The following TTC39B variants were observed in gnomAD, a reference collection of about 807,000 sequenced individuals.
TTC39B encodes the protein tetratricopeptide repeat protein 39B.
In TTC39B, 92 loss-of-function variants were observed where a neutral mutation model predicts 96.6. That is an observed-to-expected ratio of 0.95 (90% CI 0.80 to 1.13). The LOEUF (loss-of-function observed/expected upper bound fraction) is 1.13. Ranked by LOEUF, TTC39B falls within the 50% of genes most tolerant of loss-of-function variation. The pLI, the probability that TTC39B is intolerant of heterozygous loss-of-function variation, is 0.00. For synonymous variants in TTC39B, 367 were observed against 299.4 expected (o/e 1.23, Z -2.33); for missense variants, 955 against 809.3 (o/e 1.18, Z -2.18).
At chr9:15,223,373 C>T (rs1356353830) in intron 3 of TTC39B, among the ~76,000 whole-genome samples, 1 of 152,236 alleles carries the variant, frequency 6.6e-6, no homozygotes, top group Non-Finnish European at 1.5e-5. Flanking sequence ...AGATGTAATT[C>T]CACCACTGCC....
chr9:15,197,914 T>A (rs1001153746), intron 8 of TTC39B, among the ~76,000 whole-genome samples: 14 of 151,974 alleles, frequency 9.2e-5, no homozygotes, highest in African/African-American at 3.4e-4. Flanking sequence ...AAAGAAAAAG[T>A]AAAAAGTAAA....
chr9:15,223,334 C>T (rs1182500629), intron 3 of TTC39B, among the ~76,000 whole-genome samples: 1 of 152,146 alleles, frequency 6.6e-6, no homozygotes, highest in Non-Finnish European at 1.5e-5. Context: ...AAAGGTGCAC[C>T]AGCCCAGAAA....
chr9:15,245,528 C>G (rs924398904), intron 2 of TTC39B, among the ~76,000 whole-genome samples: 1 of 152,038 alleles, frequency 6.6e-6, no homozygotes, highest in African/African-American at 2.4e-5. Context: ...AACACCTAAG[C>G]TAATATTAAG....
intron 2 of TTC39B, among the ~76,000 whole-genome samples, chr9:15,242,731 C>T (rs1294867880): frequency 6.6e-6 from 1 of 152,070 alleles, no homozygotes; most frequent in Non-Finnish European, 1.5e-5. Flanking sequence ...TCAGAAAATA[C>T]CTAATAATGT....
Position 15,187,158 on chromosome 9 carries a change from G to A in TTC39B, c.1396-123C>T, listed in dbSNP as rs566479. 3,125 of 652,260 alleles carry A rather than the reference G, an allele frequency of 4.8e-3. 79 individuals carry two copies. The African/African-American group carries it at 0.05, about 10-fold the overall frequency. 40.4% of individuals were successfully genotyped at this position (652,260 alleles called of 1,614,324 possible). On this transcript the variant is annotated intron_variant, in intron 14 of 19. Coordinates refer to ENST00000512701, the Ensembl canonical transcript of TTC39B. ...ATTAGAGGCATTAAAGAAATCAGAGGAAATGAAATCTTATATTCCCTGTTC... is the reference window on the plus strand; with the variant it reads ...ATTAGAGGCATTAAAGAAATCAGAGAAAATGAAATCTTATATTCCCTGTTC...
At chr9:15,261,669 C>A (rs1457822073) in intron 2 of TTC39B, among the ~76,000 whole-genome samples, 2 of 152,064 alleles carry the variant, frequency 1.3e-5, no homozygotes, top group Admixed American at 1.3e-4. Context: ...CACCTCTGAC[C>A]CTCTGCACTG....
At chr9:15,236,416 G>A (rs369364962) in intron 2 of TTC39B, among the ~76,000 whole-genome samples, 31 of 152,246 alleles carry the variant, frequency 2.0e-4, no homozygotes, top group African/African-American at 6.0e-4. Context: ...ACAGATCATC[G>A]AGGCAGAAAA....
exon 20 of TTC39B, chr9:15,166,985 TATATATATATATATATATA>T (rs1817531316): frequency 2.5e-3 from 12 of 4,806 alleles, no homozygotes; most frequent in African/African-American, 6.6e-3. Flanking sequence ...CTTTATTTTA[TATATATATATATATATATA>T]TATATATATA....
chr9:15,201,391 C>T (rs1009362117), intron 7 of TTC39B, among the ~76,000 whole-genome samples: 7 of 152,082 alleles, frequency 4.6e-5, no homozygotes, highest in South Asian at 2.1e-4. Flanking sequence ...GCGTCAAGCA[C>T]GGGGAGGGAG....
rs546870324 is a variant in TTC39B at position 15,264,654 on chromosome 9, TA to T, written c.275+3259del. On this transcript the variant is annotated intron_variant, in intron 2 of 19. Coordinates refer to ENST00000512701, the Ensembl canonical transcript of TTC39B. ...TGGGCGACAGAGCGAGACTCTGTCT[TA>T]AAAAAAAAAAAAAAAAAGGGAAACT... Among the ~76,000 whole-genome samples, 558 of 118,044 alleles carry T rather than the reference TA, an allele frequency of 4.7e-3. 1 individual carries two copies. Among genetic ancestry groups the T allele is most frequent in the Middle Eastern group, 0.013 (3 of 226 alleles). 77.4% of individuals were successfully genotyped at this position (118,044 alleles called of 152,430 possible). A position where few individuals can be genotyped will look rare whatever the true frequency, so the allele number is the denominator to read the frequency against.
chr9:15,178,095 T>C (rs1437093909), intron 17 of TTC39B, among the ~76,000 whole-genome samples: 2 of 151,986 alleles, frequency 1.3e-5, no homozygotes, highest in East Asian at 3.9e-4. Context: ...GGTCTCGATC[T>C]CCTGACCTCA....
At chr9:15,175,043 G>T in exon 19 of TTC39B, 1 of 1,613,484 alleles carries the variant, frequency 6.2e-7, no homozygotes, top group Non-Finnish European at 8.5e-7. Flanking sequence ...GAACTTTATG[G>T]CCTTGTCAAT....
chr9:15,270,673 G>A (rs542520474), intron 1 of TTC39B, among the ~76,000 whole-genome samples: 3,933 of 150,856 alleles, frequency 0.026, 173 homozygotes, highest in African/African-American at 0.091. Context: ...CCAGCTACTC[G>A]AGAGGCTGAG....
chr9:15,281,313 G>T (rs1451231284), intron 1 of TTC39B, among the ~76,000 whole-genome samples: 2 of 152,162 alleles, frequency 1.3e-5, no homozygotes, highest in Non-Finnish European at 2.9e-5. Context: ...TAAATGAGAT[G>T]TACGTAGGCT....
Position 15,177,688 on chromosome 9 carries a change from T to C in TTC39B, c.1841+9A>G, listed in dbSNP as rs1000254264. The C allele has an allele frequency of 5.1e-6, 8 of 1,583,982 alleles. No homozygotes were observed. The highest frequency in any genetic ancestry group is 6.9e-6 in the Non-Finnish European group (8 of 1,164,856). ...TTGCACTTGGGCTGGTTTTATTGTT[T>C]GGTCTTACCTTTCCACAACATGATT... On this transcript the variant is annotated intron_variant, in intron 18 of 19. Coordinates refer to ENST00000512701, the Ensembl canonical transcript of TTC39B.
intron 1 of TTC39B, among the ~76,000 whole-genome samples, chr9:15,273,302 C>T (rs1002726197): frequency 5.3e-5 from 8 of 152,134 alleles, no homozygotes; most frequent in African/African-American, 1.4e-4. Flanking sequence ...TCAGGCCTCC[C>T]TATCTGATTT....
chr9:15,199,911 GATC>G, exon 8 of TTC39B: 2 of 1,540,308 alleles, frequency 1.3e-6, no homozygotes, highest in Non-Finnish European at 1.8e-6. Context: ...TGATGAAGTT[GATC>G]ATATTTTCAT....
At chr9:15,205,609 C>T (rs891599867) in intron 6 of TTC39B, among the ~76,000 whole-genome samples, 1 of 152,238 alleles carries the variant, frequency 6.6e-6, no homozygotes. Flanking sequence ...CAGAACACCT[C>T]TCCTCAAAGT....
At chr9:15,269,125 T>A (rs569125453) in intron 1 of TTC39B, among the ~76,000 whole-genome samples, 3 of 152,336 alleles carry the variant, frequency 2.0e-5, no homozygotes, top group Admixed American at 6.5e-5. Flanking sequence ...ATTTTCAGCT[T>A]AGAAAGCCAC....
Sources: allele counts gnomAD v4.1 joint callset (sites outside exome capture counted in the v4.1 genomes callset), GRCh38; gene constraint gnomAD v4.1.1; transcripts MANE v1.5; gene names NCBI Gene and HGNC (gene_info 2026-07-23, HGNC 2026-07-21).